The following VPS54 variants were observed in gnomAD, a reference collection of about 807,000 sequenced individuals.
VPS54 encodes the protein vacuolar protein sorting-associated protein 54.
Under a neutral mutation model 121.5 loss-of-function variants are expected in VPS54, and 45 were observed. That is an observed-to-expected ratio of 0.37 (90% CI 0.29 to 0.47). The LOEUF (loss-of-function observed/expected upper bound fraction) is 0.47. Among genes scored for constraint, VPS54 ranks in the 20% least tolerant of loss-of-function variants. VPS54 has a pLI of 0.99. For missense variants in VPS54, 1,090 were observed against 1,131.4 expected (o/e 0.96, Z 0.52); for synonymous variants, 371 against 385.8 (o/e 0.96, Z 0.45).
At chr2:63,910,432 C>G (rs939665430) in intron 20 of VPS54, among the ~76,000 whole-genome samples, 1 of 151,960 alleles carries the variant, frequency 6.6e-6, no homozygotes, top group African/African-American at 2.4e-5. Flanking sequence ...ATCTGTGAAC[C>G]GTGTAGAAGC....
At position 63,945,369 on chromosome 2, in the gene VPS54, A is replaced by C. The variant is rs115091804; in HGVS notation, c.1246-714T>G. Among the ~76,000 whole-genome samples, 1,056 of 152,292 alleles carry C rather than the reference A, an allele frequency of 6.9e-3. 5 individuals carry two copies. The highest frequency in any genetic ancestry group is 0.019 in the South Asian group (92 of 4,832). On this transcript the variant is annotated intron_variant, in intron 9 of 22. Transcript: ENST00000272322. Reference sequence around the variant, plus strand: ...AACACACAGACACATAGAGGGGAACACCACACGGTGGAGACTATTGGAGAG... The same window carrying C: ...AACACACAGACACATAGAGGGGAACCCCACACGGTGGAGACTATTGGAGAG...
chr2:63,965,567 T>C (rs1286915422), intron 6 of VPS54, among the ~76,000 whole-genome samples: 1 of 152,242 alleles, frequency 6.6e-6, no homozygotes, highest in Non-Finnish European at 1.5e-5. Flanking sequence ...TTAGCTAATA[T>C]AGCCTTTCAA....
intron 3 of VPS54, among the ~76,000 whole-genome samples, chr2:63,976,816 A>C (rs1575980323): frequency 7.7e-6 from 1 of 129,096 alleles, no homozygotes; most frequent in African/African-American, 2.9e-5. Flanking sequence ...CTAGTAGCTT[A>C]TATCTTCTCT....
chr2:63,970,313 A>ATATATAGATATATATAGATAT (rs1312969372), intron 4 of VPS54, among the ~76,000 whole-genome samples: 1 of 148,292 alleles, frequency 6.7e-6, no homozygotes, highest in African/African-American at 2.5e-5. Context: ...AGATATAGAT[A>ATATATAGATATATATAGATAT]AAACCCAGGC....
At chr2:63,899,995 G>T (rs1672608522) in intron 20 of VPS54, among the ~76,000 whole-genome samples, 1 of 152,112 alleles carries the variant, frequency 6.6e-6, no homozygotes, top group African/African-American at 2.4e-5. Context: ...TCAAAAAATT[G>T]TTAGCTACTA....
intron 1 of VPS54, among the ~76,000 whole-genome samples, chr2:63,986,484 CCA>C (rs2104628041): frequency 1.3e-5 from 2 of 152,290 alleles, no homozygotes; most frequent in Admixed American, 1.3e-4. Context: ...TGTATATGTA[CCA>C]CATTTTCTTT....
chr2:63,961,373 A>C (rs1055081927), intron 7 of VPS54, among the ~76,000 whole-genome samples: 11 of 152,234 alleles, frequency 7.2e-5, no homozygotes, highest in Non-Finnish European at 1.3e-4. Flanking sequence ...TAATGGATTA[A>C]GTTACAGAGC....
intron 1 of VPS54, among the ~76,000 whole-genome samples, chr2:63,997,085 G>A (rs910846863): frequency 1.2e-4 from 18 of 152,088 alleles, no homozygotes; most frequent in African/African-American, 3.1e-4. Context: ...CAGACTGGCC[G>A]ACACTTAGGG....
intron 1 of VPS54, among the ~76,000 whole-genome samples, chr2:64,004,340 C>T (rs778173168): frequency 2.0e-5 from 3 of 152,054 alleles, no homozygotes; most frequent in Admixed American, 1.3e-4. Flanking sequence ...TATGCTAAGG[C>T]CATTAGGTGA....
intron 12 of VPS54, among the ~76,000 whole-genome samples, chr2:63,933,045 G>A (rs748689965): frequency 4.6e-5 from 7 of 152,078 alleles, no homozygotes; most frequent in Non-Finnish European, 8.8e-5. Flanking sequence ...AAAGGAGACA[G>A]AAAGAGAAAA....
At chr2:63,929,582 A>T (rs1385626515) in intron 12 of VPS54, among the ~76,000 whole-genome samples, 1 of 152,112 alleles carries the variant, frequency 6.6e-6, no homozygotes, top group African/African-American at 2.4e-5. Flanking sequence ...TAAAATCAAC[A>T]CCCTAACATC....
intron 22 of VPS54, among the ~76,000 whole-genome samples, chr2:63,895,553 C>T (rs1356952679): frequency 6.6e-6 from 1 of 152,152 alleles, no homozygotes; most frequent in Non-Finnish European, 1.5e-5. Flanking sequence ...ATGTTTGGAA[C>T]TAGATAGAGG....
At chr2:64,007,584 T>C (rs748299600) in intron 1 of VPS54, among the ~76,000 whole-genome samples, 1 of 152,218 alleles carries the variant, frequency 6.6e-6, no homozygotes, top group African/African-American at 2.4e-5. Context: ...AAAATATTCT[T>C]GTAGTGAACA....
chr2:63,920,998 C>A (rs1202889666), intron 13 of VPS54, among the ~76,000 whole-genome samples: 1 of 152,046 alleles, frequency 6.6e-6, no homozygotes, highest in Admixed American at 6.5e-5. Context: ...AATCATTTAT[C>A]TGAAAATAAT....
Position 63,893,236 on chromosome 2 carries a change from G to T in VPS54, c.*194C>A. The T allele has an allele frequency of 1.5e-6, 1 of 673,138 alleles. No individual in the cohort carries two copies. Among genetic ancestry groups the T allele is most frequent in the Non-Finnish European group, 2.7e-6 (1 of 368,286 alleles). 41.7% of individuals were successfully genotyped at this position (673,138 alleles called of 1,614,324 possible). On this transcript the variant is annotated 3_prime_UTR_variant, in exon 23 of 23. Coordinates refer to ENST00000272322, the MANE Select transcript of VPS54 (RefSeq NM_016516.3). ...CCTGATCAGTTACTCCTCACTGTAG[G>T]ATGCACAAAAATGACATTCCTTGTA...
At chr2:63,989,631 G>A (rs552882870) in intron 1 of VPS54, among the ~76,000 whole-genome samples, 24 of 152,282 alleles carry the variant, frequency 1.6e-4, no homozygotes, top group African/African-American at 4.6e-4. Context: ...AAATGTCATC[G>A]GTTCGGTCCA....
chr2:63,938,330 G>A (rs940412243), intron 11 of VPS54, among the ~76,000 whole-genome samples: 37 of 151,956 alleles, frequency 2.4e-4, no homozygotes, highest in Admixed American at 7.9e-4. Context: ...TCTCCAGAGT[G>A]GTAAAAATGT....
intron 3 of VPS54, among the ~76,000 whole-genome samples, chr2:63,978,869 C>G (rs1023645171): frequency 6.6e-6 from 1 of 152,208 alleles, no homozygotes; most frequent in Non-Finnish European, 1.5e-5. Context: ...ATCTGCCCAC[C>G]ATGGCCTCCC....
At chr2:64,011,885 AC>A (rs1310145711) in intron 1 of VPS54, among the ~76,000 whole-genome samples, 1 of 152,242 alleles carries the variant, frequency 6.6e-6, no homozygotes, top group Non-Finnish European at 1.5e-5. Flanking sequence ...TTATTAAGTA[AC>A]AAAGATGATG....
Sources: allele counts gnomAD v4.1 joint callset (sites outside exome capture counted in the v4.1 genomes callset), GRCh38; gene constraint gnomAD v4.1.1; transcripts MANE v1.5; gene names NCBI Gene and HGNC (gene_info 2026-07-23, HGNC 2026-07-21).